SLC8A1: variants seen among roughly 807,000 people sequenced by gnomAD.
SLC8A1 encodes the protein solute carrier family 8 member A1.
A neutral mutation model predicts 68.3 loss-of-function variants in SLC8A1; 18 were observed. The observed-to-expected ratio is 0.26, with a 90% CI of 0.18 to 0.39. The LOEUF (loss-of-function observed/expected upper bound fraction) is 0.39, where lower values mean the gene tolerates loss of function less well. Ranked by LOEUF, SLC8A1 falls within the 10% of genes least tolerant of loss-of-function variation. The pLI, the probability that SLC8A1 is intolerant of heterozygous loss-of-function variation, is 1.00. For synonymous variants in SLC8A1, 475 were observed against 415.5 expected (o/e 1.14, Z -1.74); for missense variants, 985 against 1,156.7 (o/e 0.85, Z 2.15).
chr2:40,309,574 T>C (rs1487783901), intron 2 of SLC8A1, among the ~76,000 whole-genome samples: 1 of 150,834 alleles, frequency 6.6e-6, no homozygotes, highest in East Asian at 2.0e-4. Context: ...TGGTGCAATC[T>C]TGGCTGACCA....
chr2:40,498,393 G>A (rs1705845969), intron 1 of SLC8A1, among the ~76,000 whole-genome samples: 1 of 152,062 alleles, frequency 6.6e-6, no homozygotes, highest in South Asian at 2.1e-4. Flanking sequence ...GAACCAATCA[G>A]TAGTCTTTAA....
At chr2:40,473,062 G>C (rs1704082752) in intron 1 of SLC8A1, among the ~76,000 whole-genome samples, 1 of 151,718 alleles carries the variant, frequency 6.6e-6, no homozygotes, top group Non-Finnish European at 1.5e-5. Flanking sequence ...CAGAATGGCG[G>C]GAGGGGGCGG....
At chr2:40,298,034 C>G (rs2070749026) in intron 2 of SLC8A1, among the ~76,000 whole-genome samples, 1 of 152,090 alleles carries the variant, frequency 6.6e-6, no homozygotes, top group South Asian at 2.1e-4. Context: ...TGTGCACCAC[C>G]ACTCCTGGCA....
chr2:40,412,918 ATACTT>A lies in SLC8A1; in HGVS notation c.1808+15550_1808+15554del, dbSNP rs1211894279. 5.3e-5 allele frequency among the ~76,000 whole-genome samples: 8 copies of A among 151,990 alleles called. No homozygotes were observed. In the East Asian group the frequency reaches 1.6e-3, roughly 29 times the overall value. The stretch of plus-strand genomic sequence containing the variant: ...TTATCATTGCTGATTTTTTTTTATT[ATACTT>A]TAAGTTTTAGGGTACATGTGCACAA... On this transcript the variant is annotated intron_variant, in intron 2 of 7. Coordinates refer to ENST00000406785, the Ensembl canonical transcript of SLC8A1.
chr2:40,295,969 T>C (rs963869693), intron 2 of SLC8A1, among the ~76,000 whole-genome samples: 4 of 152,254 alleles, frequency 2.6e-5, no homozygotes, highest in East Asian at 3.9e-4. Flanking sequence ...GTTGGTGGTA[T>C]AGAGAGAAAG....
intron 4 of SLC8A1, 121 bp from the exon 8 acceptor site, chr2:40,165,105 G>A: frequency 8.2e-7 from 1 of 1,213,246 alleles, no homozygotes; most frequent in South Asian, 1.3e-5. Context: ...AGCCCCCTGG[G>A]TGAGATCACG....
At chr2:40,207,643 A>T (rs1002300439) in intron 2 of SLC8A1, among the ~76,000 whole-genome samples, 3 of 152,154 alleles carry the variant, frequency 2.0e-5, no homozygotes, top group East Asian at 1.9e-4. Flanking sequence ...ATATAAAATG[A>T]TTGCTTAAAA....
intron 2 of SLC8A1, among the ~76,000 whole-genome samples, chr2:40,410,565 T>G (rs543187645): frequency 6.6e-6 from 1 of 152,086 alleles, no homozygotes; most frequent in South Asian, 2.1e-4. Context: ...ATTTTTAAAA[T>G]GTATTCTTTT....
chr2:40,158,122 T>A (rs10172414), intron 6 of SLC8A1, among the ~76,000 whole-genome samples: 59,200 of 152,046 alleles, frequency 0.39, 12,996 homozygotes, highest in Middle Eastern at 0.54. Flanking sequence ...AAGAAACCTC[T>A]CAGTAGAGCC....
chr2:40,100,778 A>G (rs993909077), exon 8 of SLC8A1: 1 of 152,112 alleles, frequency 6.6e-6, no homozygotes, highest in African/African-American at 2.4e-5. Flanking sequence ...GACCAGCAAC[A>G]GGGGAGGGTC....
At chr2:40,374,165 A>T (rs947733021) in intron 2 of SLC8A1, among the ~76,000 whole-genome samples, 5 of 152,086 alleles carry the variant, frequency 3.3e-5, no homozygotes, top group African/African-American at 4.8e-5. Flanking sequence ...CATACAGCTC[A>T]TGAGAAGAGA....
intron 4 of SLC8A1, among the ~76,000 whole-genome samples, chr2:40,173,932 G>A (rs2148532467): frequency 6.6e-6 from 1 of 152,262 alleles, no homozygotes; most frequent in South Asian, 2.1e-4. Context: ...ATGCTGTAAG[G>A]AAATATCTTT....
intron 1 of SLC8A1, 70 bp from the exon 2 acceptor site, chr2:40,430,374 CT>C: frequency 7.0e-7 from 1 of 1,425,712 alleles, no homozygotes; most frequent in Non-Finnish European, 9.3e-7. Context: ...CAAAGCATTA[CT>C]AATTACTTAT....
chr2:40,149,256 T>C (rs914693585), intron 6 of SLC8A1, among the ~76,000 whole-genome samples: 3 of 152,240 alleles, frequency 2.0e-5, no homozygotes, highest in African/African-American at 7.2e-5. Context: ...GTATTTATTG[T>C]CAACTTATGT....
At position 40,170,870 on chromosome 2, in the gene SLC8A1, A is replaced by G. The variant is rs1409359623; in HGVS notation, c.1930+3955T>C. Among the ~76,000 whole-genome samples the G allele has an allele frequency of 2.0e-5, 3 of 152,264 alleles. No individual in the cohort carries two copies. In the East Asian group the frequency reaches 5.8e-4, roughly 29 times the overall value. On this transcript the variant is annotated intron_variant, in intron 4 of 7. Transcript: ENST00000406785. Reference sequence around the variant, plus strand: ...TAGGCCATTTCTCCAGTTTCTCCCCATGTAAAATGGTGATAATAGTACCTG... The same window carrying G: ...TAGGCCATTTCTCCAGTTTCTCCCCGTGTAAAATGGTGATAATAGTACCTG...
At chr2:40,129,000 C>T (rs1235623649) in intron 7 of SLC8A1, among the ~76,000 whole-genome samples, 1 of 152,156 alleles carries the variant, frequency 6.6e-6, no homozygotes. Flanking sequence ...TGAGGATTAT[C>T]TGTAAATGGC....
intron 2 of SLC8A1, among the ~76,000 whole-genome samples, chr2:40,295,349 C>T (rs544358400): frequency 1.3e-5 from 2 of 152,100 alleles, no homozygotes; most frequent in African/African-American, 2.4e-5. Context: ...CAGATCCTTC[C>T]GCCTCAGCCT....
rs144349792 is a variant in SLC8A1 at position 40,363,778 on chromosome 2, C to T, written c.1808+64695G>A. Among the ~76,000 whole-genome samples the T allele has an allele frequency of 6.5e-4, 99 of 152,122 alleles. No individual in the cohort carries two copies. In the East Asian group the frequency reaches 0.013, roughly 20 times the overall value. On this transcript the variant is annotated intron_variant, in intron 2 of 7. Transcript: ENST00000406785. The stretch of plus-strand genomic sequence containing the variant: ...TTGTTATGAGGACTGTGCCTACTGA[C>T]GCAAATACAGCATTGTATTTGGGCC...
intron 2 of SLC8A1, among the ~76,000 whole-genome samples, chr2:40,353,603 G>C (rs1361326460): frequency 6.6e-6 from 1 of 152,132 alleles, no homozygotes; most frequent in African/African-American, 2.4e-5. Context: ...GTCGACTGTG[G>C]TAAATTTTAA....
Sources: gnomAD v4.1 joint callset for allele counts (sites outside exome capture counted in the v4.1 genomes callset) on GRCh38, gnomAD v4.1.1 for gene constraint, MANE v1.5 for transcripts, NCBI Gene and HGNC (gene_info 2026-07-23, HGNC 2026-07-21) for gene names.